RBFOX3: variants seen among roughly 807,000 people sequenced by gnomAD.
RBFOX3 encodes the protein RNA binding protein fox-1 homolog 3.
RBFOX3 carries 17 observed loss-of-function variants against 48.7 expected under a neutral mutation model. That is an observed-to-expected ratio of 0.35 (90% confidence interval 0.24 to 0.52). The LOEUF (loss-of-function observed/expected upper bound fraction) is 0.52, where lower values mean the gene tolerates loss of function less well. Ranked by LOEUF, RBFOX3 falls within the 20% of genes least tolerant of loss-of-function variation. RBFOX3 has a pLI of 0.94. For missense variants in RBFOX3, 382 were observed against 497.5 expected, an observed-to-expected ratio of 0.77 and a Z score of 2.21; for synonymous variants, 212 against 209.5, an observed-to-expected ratio of 1.01 and a Z score of -0.10.
At chr17:79,332,140 G>A (rs941081538) in intron 2 of RBFOX3, among the ~76,000 whole-genome samples, 7 of 152,110 alleles carry the variant, frequency 4.6e-5, no homozygotes, top group East Asian at 1.9e-4. Flanking sequence ...CCCTCTTAGC[G>A]GCTGCCTGCC....
chr17:79,239,671 T>C (rs976656383), intron 3 of RBFOX3, among the ~76,000 whole-genome samples: 1 of 152,250 alleles, frequency 6.6e-6, no homozygotes. Context: ...CCTGGTCTGC[T>C]TTCCCACTAG....
chr17:79,224,192 A>G (rs887586110), intron 4 of RBFOX3, among the ~76,000 whole-genome samples: 2 of 151,946 alleles, frequency 1.3e-5, no homozygotes, highest in Non-Finnish European at 2.9e-5. Flanking sequence ...ATTCCTCTGC[A>G]GCCTCCCCAC....
chr17:79,598,647 C>T (rs2093630190), intron 1 of RBFOX3: 1 of 151,994 alleles, frequency 6.6e-6, no homozygotes, highest in Admixed American at 6.6e-5. Context: ...GCTTTAATTC[C>T]TCCTCCAAGC....
intron 4 of RBFOX3, among the ~76,000 whole-genome samples, chr17:79,122,197 ACC>A (rs1176615904): frequency 6.6e-6 from 1 of 151,980 alleles, no homozygotes; most frequent in African/African-American, 2.4e-5. Context: ...GCCGCCCTGA[ACC>A]GCCCACTGCT....
At chr17:79,216,454 G>T (rs556743205) in intron 4 of RBFOX3, among the ~76,000 whole-genome samples, 1 of 152,268 alleles carries the variant, frequency 6.6e-6, no homozygotes, top group Admixed American at 6.5e-5. Context: ...AGGAAGGAGG[G>T]GTGGGGCATT....
At chr17:79,105,587 GCTC>G (rs2077209412) in intron 6 of RBFOX3, among the ~76,000 whole-genome samples, 2 of 152,204 alleles carry the variant, frequency 1.3e-5, no homozygotes, top group Admixed American at 6.5e-5. Flanking sequence ...ACCAGGCCGG[GCTC>G]CTGAGACGGG....
intron 14 of RBFOX3, among the ~76,000 whole-genome samples, chr17:79,093,377 A>G (rs1366776651): frequency 6.6e-6 from 1 of 152,182 alleles, no homozygotes; most frequent in Non-Finnish European, 1.5e-5. Flanking sequence ...AAGTGAAAAC[A>G]CAAGAGGGAA....
At chr17:79,218,581 A>T (rs920713079) in intron 4 of RBFOX3, among the ~76,000 whole-genome samples, 1 of 151,960 alleles carries the variant, frequency 6.6e-6, no homozygotes, top group Non-Finnish European at 1.5e-5. Flanking sequence ...CGGCAATCAG[A>T]CCCTAACCAG....
the RBFOX3 span, among the ~76,000 whole-genome samples, chr17:79,620,164 TGC>T: frequency 0.35 from 3,086 of 8,830 alleles, 107 homozygotes; most frequent in African/African-American, 0.42. Context: ...CGCGCGGACA[TGC>T]ACACACATGC....
chr17:79,100,334 C>G (rs1474900378), intron 9 of RBFOX3: 1 of 152,232 alleles, frequency 6.6e-6, no homozygotes, highest in African/African-American at 2.4e-5. Context: ...ACAGAAGAGT[C>G]ACACCCAGGA....
Position 79,363,427 on chromosome 17 carries a change from G to A in RBFOX3, c.-174-55603C>T, listed in dbSNP as rs576065817. On this transcript the variant is annotated intron_variant, in intron 2 of 14. Transcript: ENST00000693108. The surrounding 1 kb of genome is among the most constrained non-coding windows in gnomAD (Gnocchi z 4.7). ...AGGGGGCTAAGGTGTTCCCAGGCCT[G>A]GTCACCTCCACCCCAGACTTCCAAA... 1.3e-5 allele frequency among the ~76,000 whole-genome samples: 2 copies of A among 152,112 alleles called. No homozygotes were observed. Among genetic ancestry groups the A allele is most frequent in the Admixed American group, 1.3e-4 (2 of 15,276 alleles).
In RBFOX3 at chr17:79,097,678, G is replaced by GC. The variant is rs756249961; in HGVS notation, c.622+13dup. ...GCTGGTCTCATCCCATCCCCGCCCC[G>GC]CCCCAGCTTTTACCTGCATAGAATT... On this transcript the variant is annotated intron_variant, in intron 10 of 14. Transcript: ENST00000693108. 1.1e-6 allele frequency: 1 copy of GC among 923,310 alleles called. No homozygotes were observed. Among genetic ancestry groups the GC allele is most frequent in the South Asian group, 1.5e-5 (1 of 66,986 alleles). The allele number at this position is 923,310 out of a possible 1,614,324, so 57.2% of individuals were successfully genotyped here. A position where few individuals can be genotyped will look rare whatever the true frequency, so the allele number is the denominator to read the frequency against.
intron 4 of RBFOX3, among the ~76,000 whole-genome samples, chr17:79,146,759 G>A (rs1337321025): frequency 6.6e-6 from 1 of 152,224 alleles, no homozygotes; most frequent in African/African-American, 2.4e-5. Flanking sequence ...GCAGCCTGCT[G>A]GTCACGTGGG....
chr17:79,623,941 T>C, the RBFOX3 span, among the ~76,000 whole-genome samples: 1 of 151,904 alleles, frequency 6.6e-6, no homozygotes, highest in Non-Finnish European at 1.5e-5. Context: ...GGCTTCCATC[T>C]TGAAGAAGGA....
intron 2 of RBFOX3, among the ~76,000 whole-genome samples, chr17:79,415,144 A>C (rs541213556): frequency 2.2e-3 from 340 of 152,314 alleles, no homozygotes; most frequent in Non-Finnish European, 4.2e-3. Context: ...TTGGGGGTGC[A>C]ATCTGCCCGG....
intron 1 of RBFOX3, among the ~76,000 whole-genome samples, chr17:79,530,386 G>A (rs1738259006): frequency 1.3e-5 from 2 of 152,178 alleles, no homozygotes; most frequent in Admixed American, 6.5e-5. Context: ...CCAACAGAGC[G>A]TTCTTGCCCA....
intron 3 of RBFOX3, among the ~76,000 whole-genome samples, chr17:79,237,965 C>T (rs1413971893): frequency 6.6e-6 from 1 of 152,166 alleles, no homozygotes; most frequent in Non-Finnish European, 1.5e-5. Flanking sequence ...GAGACAGACT[C>T]TCGCTCTGTT....
At chr17:79,521,485 C>T (rs1383083684) in intron 1 of RBFOX3, among the ~76,000 whole-genome samples, 8 of 151,762 alleles carry the variant, frequency 5.3e-5, no homozygotes, top group Non-Finnish European at 2.9e-5. Context: ...CAGACACATT[C>T]ACACACACAC....
rs116417934 is a variant in RBFOX3 at position 79,101,706 on chromosome 17, G to C, written c.508-62C>G. On this transcript the variant is annotated intron_variant, in intron 8 of 14. Coordinates refer to ENST00000693108, the MANE Select transcript of RBFOX3 (RefSeq NM_001350451.2). ...GATTAGCCTCCTGGAAGACCCACTG[G>C]CCACTCCTCCCCGCCCTGCTCCGTT... is the stretch of plus-strand genomic sequence containing the variant. 2,618 of 1,426,386 alleles carry C rather than the reference G, an allele frequency of 1.8e-3. 41 individuals carry two copies. The African/African-American group carries it at 0.033, about 18-fold the overall frequency. The allele number at this position is 1,426,386 out of a possible 1,614,324, so 88.4% of individuals were successfully genotyped here. A position where few individuals can be genotyped will look rare whatever the true frequency, so the allele number is the denominator to read the frequency against.
Sources: gnomAD v4.1 joint callset for allele counts (sites outside exome capture counted in the v4.1 genomes callset) on GRCh38, gnomAD v4.1.1 for gene constraint, Gnocchi (gnomAD v3.1) non-coding constraint, MANE v1.5 for transcripts, NCBI Gene and HGNC (gene_info 2026-07-23, HGNC 2026-07-21) for gene names.